WWOX: variants seen among roughly 807,000 people sequenced by gnomAD.
The protein encoded by WWOX is WW domain-containing oxidoreductase.
WWOX carries 69 observed loss-of-function variants against 46.2 expected under a neutral mutation model. The observed-to-expected ratio is 1.49, with a 90% CI of 1.23 to 1.82. The LOEUF is 1.82. Ranked by LOEUF, WWOX falls within the 40% of genes most tolerant of loss-of-function variation. WWOX has a pLI of 0.00. For missense variants in WWOX, 919 were observed against 542.6 expected (o/e 1.69, Z -6.89); for synonymous variants, 359 against 202.6 (o/e 1.77, Z -6.56).
chr16:79,066,692 C>T (rs559377284), intron 8 of WWOX, among the ~76,000 whole-genome samples: 13 of 152,340 alleles, frequency 8.5e-5, no homozygotes, highest in Middle Eastern at 3.4e-3. Flanking sequence ...TTGCATTTCT[C>T]AGGCTCTGTG....
chr16:79,090,004 G>C (rs895249561), intron 8 of WWOX: 1 of 152,114 alleles, frequency 6.6e-6, no homozygotes, highest in African/African-American at 2.4e-5. Context: ...GGACCTAAGC[G>C]GTTAAGGAAC....
intron 8 of WWOX, chr16:78,780,459 G>A (rs993559259): frequency 2.6e-5 from 4 of 152,164 alleles, no homozygotes; most frequent in African/African-American, 2.4e-5. Flanking sequence ...AAAACAAAAA[G>A]GCCTCTGACT....
At chr16:78,946,461 GA>G (rs2045950677) in intron 8 of WWOX, among the ~76,000 whole-genome samples, 2 of 152,152 alleles carry the variant, frequency 1.3e-5, no homozygotes, top group African/African-American at 2.4e-5. Flanking sequence ...AGAGTGCTAG[GA>G]TTAAAGGTGT....
chr16:78,854,321 A>G (rs1314781685), intron 8 of WWOX, among the ~76,000 whole-genome samples: 7 of 152,186 alleles, frequency 4.6e-5, no homozygotes, highest in Admixed American at 2.6e-4. Flanking sequence ...CAGTTTATCA[A>G]ATAGAATTCC....
intron 5 of WWOX, among the ~76,000 whole-genome samples, chr16:78,285,364 G>A (rs918162052): frequency 6.6e-6 from 1 of 152,098 alleles, no homozygotes; most frequent in African/African-American, 2.4e-5. Context: ...AGGATCACTT[G>A]AGCCCAGAAG....
intron 8 of WWOX, among the ~76,000 whole-genome samples, chr16:78,762,084 C>T (rs2049808297): frequency 6.6e-6 from 1 of 152,152 alleles, no homozygotes; most frequent in African/African-American, 2.4e-5. Flanking sequence ...CACTGAAGTT[C>T]TCTGATGTAA....
intron 8 of WWOX, among the ~76,000 whole-genome samples, chr16:78,711,179 T>C (rs2048437417): frequency 6.6e-6 from 1 of 152,172 alleles, no homozygotes; most frequent in Non-Finnish European, 1.5e-5. Context: ...CTGGCCTTTG[T>C]ATAATAGGGA....
chr16:78,359,406 A>G (rs532839549), intron 5 of WWOX, among the ~76,000 whole-genome samples: 2 of 152,342 alleles, frequency 1.3e-5, no homozygotes, highest in African/African-American at 4.8e-5. Context: ...ATTCTTATTA[A>G]CACACTAATC....
chr16:78,537,282 CTGTT>C (rs987677854), intron 8 of WWOX, among the ~76,000 whole-genome samples: 8 of 152,092 alleles, frequency 5.3e-5, no homozygotes, highest in African/African-American at 1.7e-4. Context: ...TTCCTTCCAT[CTGTT>C]TGTTATCTGA....
chr16:78,645,697 G>T (rs2046823356), intron 8 of WWOX, among the ~76,000 whole-genome samples: 1 of 152,022 alleles, frequency 6.6e-6, no homozygotes, highest in Non-Finnish European at 1.5e-5. Flanking sequence ...AGCCATGAGG[G>T]ATCCACCCCC....
chr16:79,071,715 T>C (rs1597347243), intron 8 of WWOX, among the ~76,000 whole-genome samples: 1 of 152,250 alleles, frequency 6.6e-6, no homozygotes, highest in Non-Finnish European at 1.5e-5. Context: ...ACGTAGCTTT[T>C]TAAGTTGGTC....
At chr16:78,932,905 T>C (rs1015786497) in intron 8 of WWOX, among the ~76,000 whole-genome samples, 1 of 152,182 alleles carries the variant, frequency 6.6e-6, no homozygotes, top group Admixed American at 6.5e-5. Context: ...TAAAGTCACT[T>C]AGGAGGAGAA....
intron 8 of WWOX, among the ~76,000 whole-genome samples, chr16:78,637,163 T>C (rs2046592051): frequency 6.6e-6 from 1 of 152,202 alleles, no homozygotes; most frequent in African/African-American, 2.4e-5. Flanking sequence ...TATTCCTGTC[T>C]GTAATCCCGG....
intron 6 of WWOX, among the ~76,000 whole-genome samples, chr16:78,414,625 G>T (rs1020301669): frequency 1.3e-5 from 2 of 152,156 alleles, no homozygotes; most frequent in Non-Finnish European, 2.9e-5. Context: ...CCAATCTTAG[G>T]TTCTACAACA....
At chr16:78,803,908 GGT>G (rs1010116337) in intron 8 of WWOX, among the ~76,000 whole-genome samples, 4 of 152,190 alleles carry the variant, frequency 2.6e-5, no homozygotes, top group African/African-American at 9.6e-5. Flanking sequence ...CAGACAAACA[GGT>G]GTGTGTGTGG....
intron 5 of WWOX, among the ~76,000 whole-genome samples, chr16:78,236,744 G>A (rs1188818310): frequency 6.6e-6 from 1 of 152,150 alleles, no homozygotes; most frequent in East Asian, 1.9e-4. Context: ...GAGGGTCATG[G>A]AATCTGGGAA....
At chr16:78,406,335 T>C (rs1457185969) in intron 6 of WWOX, among the ~76,000 whole-genome samples, 1 of 102,994 alleles carries the variant, frequency 9.7e-6, no homozygotes, top group East Asian at 2.5e-4. Flanking sequence ...TATATATATA[T>C]ATATATATAT....
At chr16:78,298,469 C>T (rs1220634397) in intron 5 of WWOX, among the ~76,000 whole-genome samples, 3 of 152,066 alleles carry the variant, frequency 2.0e-5, no homozygotes, top group Non-Finnish European at 1.5e-5. Context: ...TTATGAGTCC[C>T]GGTTTTCTCC....
chr16:78,997,063 G>T (rs919121320), intron 8 of WWOX, among the ~76,000 whole-genome samples: 3 of 152,144 alleles, frequency 2.0e-5, no homozygotes, highest in Non-Finnish European at 2.9e-5. Flanking sequence ...GCGGCTGTCA[G>T]ATTCCAAAGG....
Sources: allele counts gnomAD v4.1 joint callset (sites outside exome capture counted in the v4.1 genomes callset), GRCh38; gene constraint gnomAD v4.1.1; transcripts MANE v1.5; gene names NCBI Gene and HGNC (gene_info 2026-07-23, HGNC 2026-07-21).